The following TSHR variants were observed in gnomAD, a reference collection of about 807,000 sequenced individuals.
TSHR encodes the protein thyrotropin receptor.
A neutral mutation model predicts 64.1 loss-of-function variants in TSHR; 51 were observed. That is an observed-to-expected ratio of 0.80 (90% CI 0.64 to 1.01). The LOEUF (loss-of-function observed/expected upper bound fraction) is 1.01. Ranked by LOEUF, TSHR falls within the 50% of genes least tolerant of loss-of-function variation. The pLI is 0.00. For missense variants in TSHR, 877 were observed against 942.8 expected (o/e 0.93, Z 0.91); for synonymous variants, 361 against 361.9 (o/e 1.00, Z 0.03).
chr14:81,053,498 A>G (rs1238258032), intron 1 of TSHR: 1 of 152,236 alleles, frequency 6.6e-6, no homozygotes, highest in Non-Finnish European at 1.5e-5. Context: ...CAAATTACAA[A>G]TACCAATCAA....
chr14:81,007,558 G>A (rs8007755), intron 1 of TSHR, among the ~76,000 whole-genome samples: 16,249 of 152,186 alleles, frequency 0.11, 2,836 homozygotes, highest in African/African-American at 0.37. Context: ...AAGGGTTCAT[G>A]CTATCCACAT....
At chr14:81,127,814 C>A (rs1891078780) in intron 8 of TSHR, among the ~76,000 whole-genome samples, 1 of 152,182 alleles carries the variant, frequency 6.6e-6, no homozygotes, top group Non-Finnish European at 1.5e-5. Context: ...AACTGTGAGT[C>A]CACATTGGGC....
In TSHR at chr14:81,017,392, A is replaced by C. The variant is rs184561890; in HGVS notation, c.171-44756A>C. 7.7e-3 allele frequency among the ~76,000 whole-genome samples: 1,178 copies of C among 152,308 alleles called. 9 individuals carry two copies. The highest frequency in any genetic ancestry group is 0.011 in the Non-Finnish European group (716 of 68,026). On this transcript the variant is annotated intron_variant, in intron 1 of 9. Transcript: ENST00000298171. Reference sequence around the variant, plus strand: ...CCACAGGGACCTCAGTAGAGCTCCCAGTAACTCAAGGGCACCAGGAGTATG... The same window carrying C: ...CCACAGGGACCTCAGTAGAGCTCCCCGTAACTCAAGGGCACCAGGAGTATG...
At chr14:81,140,318 C>A (rs1891633806) in intron 9 of TSHR, among the ~76,000 whole-genome samples, 1 of 152,170 alleles carries the variant, frequency 6.6e-6, no homozygotes, top group Non-Finnish European at 1.5e-5. Flanking sequence ...TGGTTACATG[C>A]CTGCAGGCTT....
intron 1 of TSHR, among the ~76,000 whole-genome samples, chr14:80,965,731 T>TA (rs1887266065): frequency 1.3e-5 from 2 of 152,254 alleles, no homozygotes; most frequent in African/African-American, 4.8e-5. Context: ...AGACCCTACT[T>TA]ACTTGGCTTC....
chr14:81,060,300 GC>G lies in TSHR; in HGVS notation c.171-1845del, dbSNP rs1190153036. On this transcript the variant is annotated intron_variant, in intron 1 of 9. Coordinates refer to ENST00000298171, the MANE Select transcript of TSHR (RefSeq NM_000369.5). ...GTATCTTTTGTTTTCCTTTGGCATGGCCCAATTTTACACAGAGATTTTGGTA... is the reference window on the plus strand; with the variant it reads ...GTATCTTTTGTTTTCCTTTGGCATGGCCAATTTTACACAGAGATTTTGGTA... Among the ~76,000 whole-genome samples, 3 of 152,152 alleles carry G rather than the reference GC, an allele frequency of 2.0e-5. No homozygotes were observed. The East Asian group carries it at 5.8e-4, about 29-fold the overall frequency.
chr14:81,116,105 G>T (rs982592841), intron 8 of TSHR, among the ~76,000 whole-genome samples: 3 of 151,874 alleles, frequency 2.0e-5, no homozygotes, highest in African/African-American at 7.3e-5. Context: ...ATCGAGACTA[G>T]GAAGAAACTG....
chr14:81,095,932 T>G (rs2139996623), intron 6 of TSHR, among the ~76,000 whole-genome samples: 1 of 151,564 alleles, frequency 6.6e-6, no homozygotes, highest in East Asian at 1.9e-4. Context: ...CCCAACTGTT[T>G]GAGAGGCTGA....
At chr14:81,036,317 A>G (rs1210840159) in intron 1 of TSHR, among the ~76,000 whole-genome samples, 1 of 152,244 alleles carries the variant, frequency 6.6e-6, no homozygotes, top group Admixed American at 6.5e-5. Context: ...AGTTAAAGAC[A>G]GAATTCCAAA....
intron 1 of TSHR, chr14:80,958,159 T>G (rs2139677555): frequency 6.6e-6 from 1 of 151,932 alleles, no homozygotes. Flanking sequence ...AAGCTAACAA[T>G]TATATTGTGT....
intron 1 of TSHR, among the ~76,000 whole-genome samples, chr14:81,030,645 G>A (rs1884302567): frequency 6.6e-6 from 1 of 152,046 alleles, no homozygotes; most frequent in African/African-American, 2.4e-5. Flanking sequence ...CTTTACTGAC[G>A]AGTGTTTTTG....
chr14:80,955,984 G>C, intron 1 of TSHR, 134 bp downstream of exon 1: 1 of 1,098,786 alleles, frequency 9.1e-7, no homozygotes, highest in Non-Finnish European at 1.4e-6. Context: ...GTGAATGTCT[G>C]TGTGTGTAGA....
At chr14:81,121,515 C>T (rs543451560) in intron 8 of TSHR, among the ~76,000 whole-genome samples, 1 of 152,248 alleles carries the variant, frequency 6.6e-6, no homozygotes, top group South Asian at 2.1e-4. Context: ...TTTGTTAAAA[C>T]AGTGATCAAC....
intron 1 of TSHR, among the ~76,000 whole-genome samples, chr14:81,047,400 A>T (rs1164132787): frequency 2.0e-5 from 3 of 152,208 alleles, no homozygotes; most frequent in African/African-American, 7.2e-5. Context: ...TAGGTGATAA[A>T]CATATACATA....
At chr14:81,006,414 T>G (rs1352576892) in intron 1 of TSHR, among the ~76,000 whole-genome samples, 1 of 152,172 alleles carries the variant, frequency 6.6e-6, no homozygotes, top group African/African-American at 2.4e-5. Flanking sequence ...TGTCCTGATC[T>G]CCTCTTCTTA....
intron 1 of TSHR, among the ~76,000 whole-genome samples, chr14:80,964,580 C>A (rs954949466): frequency 6.6e-6 from 1 of 152,112 alleles, no homozygotes; most frequent in African/African-American, 2.4e-5. Flanking sequence ...AGTTCATGGG[C>A]CTCCAGGAGT....
chr14:81,035,009 G>T (rs186097053), intron 1 of TSHR, among the ~76,000 whole-genome samples: 19 of 141,718 alleles, frequency 1.3e-4, no homozygotes, highest in Admixed American at 1.3e-3. Flanking sequence ...TAAAGCCTTC[G>T]GGCCAATTCC....
At chr14:81,067,483 T>TTATATATA (rs71103896) in intron 2 of TSHR, among the ~76,000 whole-genome samples, 2,994 of 134,854 alleles carry the variant, frequency 0.022, 61 homozygotes, top group East Asian at 0.051. Context: ...GTTTATAGTT[T>TTATATATA]TATATATATA....
At chr14:81,007,333 T>G (rs182499081) in intron 1 of TSHR, among the ~76,000 whole-genome samples, 2 of 152,376 alleles carry the variant, frequency 1.3e-5, no homozygotes, top group African/African-American at 4.8e-5. Context: ...TAGACTAAGA[T>G]AGTCATCAGG....
Sources: allele counts gnomAD v4.1 joint callset (sites outside exome capture counted in the v4.1 genomes callset), GRCh38; gene constraint gnomAD v4.1.1; transcripts MANE v1.5; gene names NCBI Gene and HGNC (gene_info 2026-07-23, HGNC 2026-07-21).